USH2A: variants seen among roughly 807,000 people sequenced by gnomAD.
USH2A encodes the protein usherin, also known as Usher syndrome 2A (autosomal recessive, mild).
In USH2A, 443 loss-of-function variants were observed where a neutral mutation model predicts 538.9. The ratio of observed to expected loss-of-function variants is 0.82; its 90% CI spans 0.76 to 0.89. The LOEUF is 0.89. Ranked by LOEUF, USH2A falls within the 40% of genes least tolerant of loss-of-function variation. The pLI, the probability that USH2A is intolerant of heterozygous loss-of-function variation, is 0.00. For synonymous variants in USH2A, 2,413 were observed against 2,273.5 expected (o/e 1.06, Z -1.75); for missense variants, 6,633 against 6,324.8 (o/e 1.05, Z -1.65).
At chr1:215,662,175 G>A (rs1013657850) in intron 64 of USH2A, among the ~76,000 whole-genome samples, 1 of 152,158 alleles carries the variant, frequency 6.6e-6, no homozygotes, top group Non-Finnish European at 1.5e-5. Context: ...TGTTTTTACA[G>A]GACCTAAGTT....
chr1:215,759,919 C>A, intron 56 of USH2A, 76 bp from the exon 57 acceptor site: 3 of 1,549,586 alleles, frequency 1.9e-6, no homozygotes, highest in Non-Finnish European at 2.7e-6. Context: ...CCATCCCCCC[C>A]ATGAACTGTG....
chr1:215,658,854 G>T (rs1439484687), intron 64 of USH2A, among the ~76,000 whole-genome samples: 1 of 152,164 alleles, frequency 6.6e-6, no homozygotes, highest in Non-Finnish European at 1.5e-5. Context: ...TACCCTAATG[G>T]ATATAGCATT....
intron 38 of USH2A, among the ~76,000 whole-genome samples, chr1:215,931,334 C>T (rs1023602836): frequency 2.6e-5 from 4 of 151,854 alleles, no homozygotes; most frequent in African/African-American, 9.7e-5. Flanking sequence ...GATGATGTAT[C>T]CTGGTAAAAT....
At chr1:215,884,439 CT>C (rs1664997243) in intron 41 of USH2A, among the ~76,000 whole-genome samples, 1 of 152,062 alleles carries the variant, frequency 6.6e-6, no homozygotes, top group African/African-American at 2.4e-5. Context: ...CTCCAGAACC[CT>C]ATTGCCTGGG....
chr1:215,732,104 A>G (rs1360010514), intron 60 of USH2A, among the ~76,000 whole-genome samples: 3 of 152,370 alleles, frequency 2.0e-5, no homozygotes, highest in African/African-American at 2.4e-5. Context: ...TGCATCTGGC[A>G]TTGAACAAGG....
At chr1:216,341,687 C>T (rs1486215685) in intron 4 of USH2A, among the ~76,000 whole-genome samples, 3 of 152,010 alleles carry the variant, frequency 2.0e-5, no homozygotes, top group East Asian at 3.9e-4. Context: ...TCAGAAATAA[C>T]ACCACACTTC....
At chr1:215,917,445 C>A (rs1464989411) in intron 38 of USH2A, among the ~76,000 whole-genome samples, 1 of 151,832 alleles carries the variant, frequency 6.6e-6, no homozygotes, top group African/African-American at 2.4e-5. Flanking sequence ...TCAATTAATT[C>A]TATTTTATTT....
chr1:216,154,060 GC>G (rs2033892176), intron 21 of USH2A, among the ~76,000 whole-genome samples: 1 of 152,154 alleles, frequency 6.6e-6, no homozygotes, highest in Admixed American at 6.5e-5. Flanking sequence ...TTACAGAGGT[GC>G]AGTAGCTTCA....
intron 37 of USH2A, among the ~76,000 whole-genome samples, chr1:215,941,394 C>T (rs1194010816): frequency 6.6e-6 from 1 of 152,150 alleles, no homozygotes; most frequent in East Asian, 1.9e-4. Flanking sequence ...GAAGTATGGT[C>T]TATTTTTACT....
intron 21 of USH2A, among the ~76,000 whole-genome samples, chr1:216,107,216 C>A (rs1241246148): frequency 3.3e-5 from 5 of 151,718 alleles, no homozygotes; most frequent in Non-Finnish European, 7.4e-5. Flanking sequence ...TTATTAAGTA[C>A]TAAGAAAGTC....
At chr1:215,741,650 A>G (rs1660309105) in intron 59 of USH2A, 113 bp from the exon 60 acceptor site, 9 of 1,161,070 alleles carry the variant, frequency 7.8e-6, no homozygotes, top group Non-Finnish European at 9.7e-6. Context: ...GTCCTTTTGC[A>G]TATATACTTG....
intron 3 of USH2A, among the ~76,000 whole-genome samples, chr1:216,372,384 G>T (rs567592588): frequency 2.0e-5 from 3 of 152,144 alleles, no homozygotes; most frequent in Admixed American, 2.0e-4. Context: ...ACTCAGACAA[G>T]CCAAGCCAGG....
chr1:215,678,738 G>A (rs958041001), intron 62 of USH2A, among the ~76,000 whole-genome samples: 1 of 151,686 alleles, frequency 6.6e-6, no homozygotes, highest in East Asian at 1.9e-4. Flanking sequence ...ACACACGCAC[G>A]TGCACTCACA....
intron 41 of USH2A, 95 bp downstream of exon 41, chr1:215,888,331 C>A (rs1047128666): frequency 6.3e-7 from 1 of 1,577,182 alleles, no homozygotes; most frequent in African/African-American, 1.3e-5. Context: ...ACAACAAATG[C>A]GTTTGTTTAG....
At chr1:216,162,205 C>A (rs1294287329) in intron 21 of USH2A, among the ~76,000 whole-genome samples, 1 of 151,810 alleles carries the variant, frequency 6.6e-6, no homozygotes, top group African/African-American at 2.4e-5. Flanking sequence ...ATTTCCTTCT[C>A]GATATGCTTC....
Position 216,000,445 on chromosome 1 carries a change from G to A in USH2A, c.6443C>T (p.Ser2148Phe), listed in dbSNP as rs1255463548. 1.2e-6 allele frequency: 2 copies of A among 1,613,696 alleles called. No individual in the cohort carries two copies. Among genetic ancestry groups the A allele is most frequent in the Non-Finnish European group, 1.7e-6 (2 of 1,179,732 alleles). The change falls in exon 33 of 72, where the codon TCC becomes TTC. Residue 2148 changes from serine to phenylalanine, a missense_variant. Physicochemically the swap from Ser to Phe is radical, Grantham distance 155 (BLOSUM62 -2). Coordinates refer to ENST00000307340, the MANE Select transcript of USH2A (RefSeq NM_206933.4). ...AGAATCCAGGACAGTCAGAACTGGG[G>A]AATCCACGTGTTCTGGTGGCAGCTG... ...TAQLPPEHVD[S>F]PVLTVLDSRT...
intron 3 of USH2A, among the ~76,000 whole-genome samples, chr1:216,377,892 GAAGAAAGAAAGAGA>G (rs969584502): frequency 6.8e-6 from 1 of 146,332 alleles, no homozygotes; most frequent in African/African-American, 2.5e-5. Flanking sequence ...AGGAAGGAAG[GAAGAAAGAAAGAGA>G]AAGAAAGAGA....
In USH2A at chr1:215,974,674, GT is replaced by G. The variant is rs889068701; in HGVS notation, c.6806-3899del. On this transcript the variant is annotated intron_variant, in intron 35 of 71. Transcript: ENST00000307340. ...TTGCTGCAAAAGACATGATTTCAGG[GT>G]TTTTTCTGTGGTTGTATAGTATTTC... Among the ~76,000 whole-genome samples, 191 of 152,108 alleles carry G rather than the reference GT, an allele frequency of 1.3e-3. 2 individuals are homozygous for G. Among genetic ancestry groups the G allele is most frequent in the Admixed American group, 0.012 (176 of 15,258 alleles).
intron 9 of USH2A, among the ~76,000 whole-genome samples, chr1:216,319,535 A>C (rs565881038): frequency 6.6e-6 from 1 of 152,294 alleles, no homozygotes; most frequent in African/African-American, 2.4e-5. Flanking sequence ...TAAAGCAAGT[A>C]TTGACTAATG....
Sources: gnomAD v4.1 joint callset for allele counts (sites outside exome capture counted in the v4.1 genomes callset) on GRCh38, gnomAD v4.1.1 for gene constraint, MANE v1.5 for transcripts, NCBI Gene and HGNC (gene_info 2026-07-23, HGNC 2026-07-21) for gene names.